The following COTL1 variants were observed in gnomAD, a reference collection of about 807,000 sequenced individuals.
COTL1 encodes the protein coactosin like F-actin binding protein 1, also known as coactosin-like protein.
Under a neutral mutation model 16.5 loss-of-function variants are expected in COTL1, and 15 were observed. The observed-to-expected ratio is 0.91, with a 90% CI of 0.61 to 1.40. COTL1 has a LOEUF of 1.40. COTL1 is among the 40% of genes most tolerant of loss of function. COTL1 has a pLI of 0.00. For missense variants in COTL1, 220 were observed against 201.5 expected, an observed-to-expected ratio of 1.09 and a Z score of -0.56; for synonymous variants, 112 against 85.3, an observed-to-expected ratio of 1.31 and a Z score of -1.73.
At chr16:84,615,282 T>C (rs1446841284) in intron 2 of COTL1, among the ~76,000 whole-genome samples, 1 of 152,240 alleles carries the variant, frequency 6.6e-6, no homozygotes, top group African/African-American at 2.4e-5. Flanking sequence ...GAAGCATTTT[T>C]AGCTTCCTCG....
At chr16:84,608,548 G>C (rs1023137261) in intron 2 of COTL1, among the ~76,000 whole-genome samples, 2 of 152,388 alleles carry the variant, frequency 1.3e-5, no homozygotes, top group African/African-American at 4.8e-5. Context: ...AAGGCAATGG[G>C]AGACTGGATA....
intron 3 of COTL1, among the ~76,000 whole-genome samples, chr16:84,580,407 C>T (rs1306019467): frequency 2.0e-5 from 3 of 152,044 alleles, no homozygotes; most frequent in East Asian, 3.9e-4. Flanking sequence ...ACACCATGCT[C>T]GGCTAATTTT....
intron 3 of COTL1, among the ~76,000 whole-genome samples, chr16:84,582,854 C>T (rs1168417240): frequency 6.6e-6 from 1 of 152,006 alleles, no homozygotes; most frequent in Non-Finnish European, 1.5e-5. Flanking sequence ...GCTGATGGCG[C>T]CAGAATATCA....
chr16:84,590,324 T>C lies in COTL1; in HGVS notation c.161-62A>G. ...TTAAAACACCCCCATGTCATGTCCC[T>C]GGGGAGAGGCTGTGAGCCACGAGTG... On this transcript the variant is annotated intron_variant, in intron 2 of 3. Transcript: ENST00000262428. The surrounding 1 kb of genome is among the most constrained non-coding windows in gnomAD (Gnocchi z 5.5). 1 of 1,576,232 alleles carries C rather than the reference T, an allele frequency of 6.3e-7. No homozygotes were observed. The highest frequency in any genetic ancestry group is 8.7e-7 in the Non-Finnish European group (1 of 1,156,064).
intron 2 of COTL1, among the ~76,000 whole-genome samples, chr16:84,614,017 C>G (rs1905402182): frequency 6.6e-6 from 1 of 152,202 alleles, no homozygotes; most frequent in East Asian, 1.9e-4. Flanking sequence ...CCTCCCCCCT[C>G]CCCGCAAGAA....
chr16:84,595,046 C>A (rs1301612317), intron 2 of COTL1: 1 of 152,234 alleles, frequency 6.6e-6, no homozygotes, highest in African/African-American at 2.4e-5. Context: ...CGGAGGGTCA[C>A]AGATTCTTGT....
intron 3 of COTL1, among the ~76,000 whole-genome samples, chr16:84,573,433 G>A (rs951561798): frequency 6.6e-6 from 1 of 152,202 alleles, no homozygotes; most frequent in African/African-American, 2.4e-5. Context: ...GGACATCTGC[G>A]CCATGTCCAG....
chr16:84,606,391 T>C (rs1311461507), intron 2 of COTL1, among the ~76,000 whole-genome samples: 2 of 152,228 alleles, frequency 1.3e-5, no homozygotes, highest in African/African-American at 4.8e-5. Flanking sequence ...CTCATTTGCC[T>C]ACTCAACAAC....
chr16:84,569,606 T>C (rs1484148776), intron 3 of COTL1, among the ~76,000 whole-genome samples: 2 of 152,128 alleles, frequency 1.3e-5, no homozygotes, highest in Admixed American at 6.5e-5. Flanking sequence ...TTTATTTTAT[T>C]TTACTTTTTG....
chr16:84,580,047 G>A (rs1474783235), intron 3 of COTL1, among the ~76,000 whole-genome samples: 2 of 152,216 alleles, frequency 1.3e-5, no homozygotes, highest in Non-Finnish European at 2.9e-5. Context: ...GCGTCCGGAG[G>A]CCAGCTGCTG....
chr16:84,616,452 G>T (rs2150699472), intron 2 of COTL1: 1 of 152,188 alleles, frequency 6.6e-6, no homozygotes, highest in East Asian at 1.9e-4. Context: ...GCAGTTAGCT[G>T]AGATTGTACC....
intron 2 of COTL1, among the ~76,000 whole-genome samples, chr16:84,597,011 T>C (rs1597179467): frequency 6.6e-6 from 1 of 152,120 alleles, no homozygotes; most frequent in South Asian, 2.1e-4. Context: ...GGCCGCATCC[T>C]AGCAGGGGCC....
intron 2 of COTL1, among the ~76,000 whole-genome samples, chr16:84,598,558 C>A (rs1270993312): frequency 6.6e-6 from 1 of 152,056 alleles, no homozygotes; most frequent in Non-Finnish European, 1.5e-5. Flanking sequence ...CTTTCCCTCT[C>A]CTGGCTCTCC....
chr16:84,570,092 A>G (rs1306692033), intron 3 of COTL1, among the ~76,000 whole-genome samples: 1 of 152,218 alleles, frequency 6.6e-6, no homozygotes, highest in Non-Finnish European at 1.5e-5. Flanking sequence ...CCTGGCCAAC[A>G]CGGTGAAAAC....
At chr16:84,586,757 T>C (rs1342119993) in intron 3 of COTL1, among the ~76,000 whole-genome samples, 1 of 152,046 alleles carries the variant, frequency 6.6e-6, no homozygotes, top group Non-Finnish European at 1.5e-5. Flanking sequence ...GCTACTTTTT[T>C]GGTATTTTTA....
intron 3 of COTL1, among the ~76,000 whole-genome samples, chr16:84,573,335 G>A (rs562472873): frequency 6.6e-6 from 1 of 152,350 alleles, no homozygotes; most frequent in African/African-American, 2.4e-5. Flanking sequence ...CGCAGGTCTA[G>A]ACAGAACACG....
At chr16:84,571,558 G>A (rs543468876) in intron 3 of COTL1, among the ~76,000 whole-genome samples, 43 of 152,010 alleles carry the variant, frequency 2.8e-4, no homozygotes, top group African/African-American at 4.8e-4. Context: ...TCTCCTCCTC[G>A]TGCTGCTCCT....
At chr16:84,587,025 A>T (rs1365833320) in intron 3 of COTL1, among the ~76,000 whole-genome samples, 1 of 152,194 alleles carries the variant, frequency 6.6e-6, no homozygotes, top group African/African-American at 2.4e-5. Flanking sequence ...GGAGTGGGCC[A>T]AGCACGGCGG....
intron 2 of COTL1, among the ~76,000 whole-genome samples, chr16:84,602,920 G>A (rs974495463): frequency 6.6e-6 from 1 of 152,100 alleles, no homozygotes; most frequent in African/African-American, 2.4e-5. Flanking sequence ...CGATGCCAGA[G>A]TCAGTGATGC....
Sources: gnomAD v4.1 joint callset for allele counts (sites outside exome capture counted in the v4.1 genomes callset) on GRCh38, gnomAD v4.1.1 for gene constraint, Gnocchi (gnomAD v3.1) non-coding constraint, MANE v1.5 for transcripts, NCBI Gene and HGNC (gene_info 2026-07-23, HGNC 2026-07-21) for gene names.